The following PCDHGA1 variants were observed in gnomAD, a reference collection of about 807,000 sequenced individuals.
PCDHGA1 encodes protocadherin gamma subfamily A, 1.
In PCDHGA1, 32 loss-of-function variants were observed where a neutral mutation model predicts 58.0. The ratio of observed to expected loss-of-function variants is 0.55; its 90% CI spans 0.42 to 0.74. The LOEUF (loss-of-function observed/expected upper bound fraction) is 0.74. PCDHGA1 is among the 30% of genes least tolerant of loss of function. PCDHGA1 has a pLI of 0.00. For missense variants in PCDHGA1, 1,205 were observed against 1,182.3 expected, an observed-to-expected ratio of 1.02 and a Z score of -0.28; for synonymous variants, 498 against 501.1, an observed-to-expected ratio of 0.99 and a Z score of 0.08.
chr5:141,332,734 C>T lies in PCDHGA1; in HGVS notation c.2050C>T (p.Pro684Ser). ...DLGSLEPSAK[P>S]NDSDLTLYLV... Reference sequence around the variant, plus strand: ...GGGCAGCCTCGAGCCCTCCGCCAAACCCAACGATTCGGACCTCACTCTGTA... The same window carrying T: ...GGGCAGCCTCGAGCCCTCCGCCAAATCCAACGATTCGGACCTCACTCTGTA... The change falls in exon 1 of 4, where the codon CCC (proline) becomes TCC (serine). Residue 684 changes from proline (P) to serine (S), a missense_variant. By Grantham distance (74) the Pro-to-Ser change is moderately conservative (BLOSUM62 -1). Transcript: ENST00000517417. This position sits in a 1 kb window ranked among gnomAD's most constrained non-coding sequence, Gnocchi z 4.6. 1 of 1,614,066 alleles carries T rather than the reference C, an allele frequency of 6.2e-7. No individual in the cohort carries two copies. Among genetic ancestry groups the T allele is most frequent in the Non-Finnish European group, 8.5e-7 (1 of 1,179,984 alleles).
intron 1 of PCDHGA1, chr5:141,408,821 T>C (rs774934223): frequency 1.4e-5 from 23 of 1,613,250 alleles, no homozygotes; most frequent in African/African-American, 2.7e-5. Flanking sequence ...AGAACAGAGA[T>C]CTCATAGCTT....
intron 1 of PCDHGA1, chr5:141,399,703 C>T: frequency 1.2e-6 from 2 of 1,613,474 alleles, no homozygotes; most frequent in African/African-American, 1.3e-5. Flanking sequence ...CACCTTCGAA[C>T]TCACACTACA....
chr5:141,366,286 C>T, intron 1 of PCDHGA1: 1 of 1,613,720 alleles, frequency 6.2e-7, no homozygotes. Flanking sequence ...ATGGCCAGCC[C>T]CCTCTGTCAG....
At chr5:141,459,863 G>A (rs182099511) in intron 1 of PCDHGA1, among the ~76,000 whole-genome samples, 2 of 152,242 alleles carry the variant, frequency 1.3e-5, no homozygotes, top group East Asian at 1.9e-4. Context: ...TGAAGCATTC[G>A]TTCATCTTTA....
chr5:141,409,669 C>T, intron 1 of PCDHGA1: 1 of 1,613,528 alleles, frequency 6.2e-7, no homozygotes, highest in Non-Finnish European at 8.5e-7. Context: ...ACATCTCCTA[C>T]TCTATAGTGG....
At chr5:141,352,000 C>G (rs763040408) in intron 1 of PCDHGA1, 6 of 1,610,366 alleles carry the variant, frequency 3.7e-6, no homozygotes, top group South Asian at 1.1e-5. Context: ...CCGCAGAGCC[C>G]GGCTACCTGG....
chr5:141,433,358 C>CCTATCTAT (rs3074541), intron 1 of PCDHGA1: 29,853 of 503,480 alleles, frequency 0.059, 1,017 homozygotes, highest in East Asian at 0.071. Context: ...CTACTGTCTG[C>CCTATCTAT]CTATCTATCT....
chr5:141,490,149 T>C lies in PCDHGA1; in HGVS notation c.2422-4658T>C. The C allele has an allele frequency of 1.9e-6, 3 of 1,614,188 alleles. No individual in the cohort carries two copies. The highest frequency in any genetic ancestry group is 2.7e-5 in the African/African-American group (2 of 75,050). On this transcript the variant is annotated intron_variant, in intron 1 of 3. Coordinates refer to ENST00000517417, the MANE Select transcript of PCDHGA1 (RefSeq NM_018912.3). This position sits in a 1 kb window ranked among gnomAD's most constrained non-coding sequence, Gnocchi z 5.4. ...TAGACCCTAGCAGTGGGGCAATCCA[T>C]GTGTTGGGTCCCATAGACTTTGAGG... is the stretch of plus-strand genomic sequence containing the variant.
chr5:141,394,013 T>C, intron 1 of PCDHGA1: 1 of 1,613,384 alleles, frequency 6.2e-7, no homozygotes, highest in Non-Finnish European at 8.5e-7. Flanking sequence ...CAATAGGTAA[T>C]TATTATAGAT....
At chr5:141,345,428 C>T (rs751595481) in intron 1 of PCDHGA1, 2 of 1,614,082 alleles carry the variant, frequency 1.2e-6, no homozygotes, top group Admixed American at 3.3e-5. Flanking sequence ...CAGAAAACAA[C>T]CCCAGAGGAG....
At chr5:141,418,685 G>A (rs750217981) in intron 1 of PCDHGA1, 1 of 1,614,056 alleles carries the variant, frequency 6.2e-7, no homozygotes, top group African/African-American at 1.3e-5. Context: ...CATCAACTCA[G>A]AGATCACTTA....
chr5:141,434,401 T>C (rs1036239430), intron 1 of PCDHGA1, among the ~76,000 whole-genome samples: 2 of 152,242 alleles, frequency 1.3e-5, no homozygotes. Context: ...ACAAAATCTC[T>C]GCAGCACTGT....
chr5:141,376,378 G>A, intron 1 of PCDHGA1: 5 of 1,614,236 alleles, frequency 3.1e-6, no homozygotes, highest in Non-Finnish European at 4.2e-6. Context: ...ACTCGCGTAA[G>A]AGTCATCTGA....
At position 141,487,796 on chromosome 5, in the gene PCDHGA1, T is replaced by C. The variant is rs766798983; in HGVS notation, c.2422-7011T>C. ...TAACTGTTTCGTGAATTAACCAGAG[T>C]TGTCACAGTTTAGCATTGGGGGCGG... On this transcript the variant is annotated intron_variant, in intron 1 of 3. Coordinates refer to ENST00000517417, the MANE Select transcript of PCDHGA1 (RefSeq NM_018912.3). The surrounding 1 kb of genome is among the most constrained non-coding windows in gnomAD (Gnocchi z 5.0). 15 of 1,498,660 alleles carry C rather than the reference T, an allele frequency of 1.0e-5. No homozygotes were observed. The highest frequency in any genetic ancestry group is 1.4e-5 in the Non-Finnish European group (15 of 1,110,900). 92.8% of individuals were successfully genotyped at this position (1,498,660 alleles called of 1,614,324 possible). A position where few individuals can be genotyped will look rare whatever the true frequency, so the allele number is the denominator to read the frequency against.
chr5:141,374,116 C>T (rs1328761924), intron 1 of PCDHGA1: 2 of 1,580,576 alleles, frequency 1.3e-6, no homozygotes, highest in Non-Finnish European at 1.7e-6. Flanking sequence ...CGCAGCGCAG[C>T]GAGCAGGTCC....
At position 141,375,547 on chromosome 5, in the gene PCDHGA1, C is replaced by T. The variant is rs1261585486; in HGVS notation, c.2421+42442C>T. ...ACGTGGACCAGAACGCCCAAGTCTC[C>T]TACTCACTGGCAGAAGACACCCTCC... is the stretch of plus-strand genomic sequence containing the variant. On this transcript the variant is annotated intron_variant, in intron 1 of 3. Coordinates refer to ENST00000517417, the MANE Select transcript of PCDHGA1 (RefSeq NM_018912.3). 6 of 1,613,922 alleles carry T rather than the reference C, an allele frequency of 3.7e-6. No individual in the cohort carries two copies. In the African/African-American group the frequency reaches 8.0e-5, roughly 22 times the overall value.
At chr5:141,421,762 T>G (rs1272315856) in intron 1 of PCDHGA1, 2 of 1,613,884 alleles carry the variant, frequency 1.2e-6, no homozygotes, top group Non-Finnish European at 8.5e-7. Context: ...TAATAATTAC[T>G]TTTCCTTGCA....
intron 1 of PCDHGA1, among the ~76,000 whole-genome samples, chr5:141,407,414 C>T (rs1190741475): frequency 6.6e-6 from 1 of 152,156 alleles, no homozygotes; most frequent in Non-Finnish European, 1.5e-5. Flanking sequence ...TTCGATACCA[C>T]AAAAATGTCT....
chr5:141,394,150 A>C (rs781168813), intron 1 of PCDHGA1: 2 of 1,613,798 alleles, frequency 1.2e-6, no homozygotes, highest in East Asian at 4.5e-5. Context: ...GCAGACATTA[A>C]CGACAACCCT....
Sources: gnomAD v4.1 joint callset for allele counts (sites outside exome capture counted in the v4.1 genomes callset) on GRCh38, gnomAD v4.1.1 for gene constraint, Gnocchi (gnomAD v3.1) non-coding constraint, MANE v1.5 for transcripts, NCBI Gene and HGNC (gene_info 2026-07-23, HGNC 2026-07-21) for gene names.